Variants in PCDHA8 observed in about 807,000 individuals in gnomAD.
PCDHA8 encodes the protein protocadherin alpha 8, also known as protocadherin alpha-8.
Under a neutral mutation model 61.8 loss-of-function variants are expected in PCDHA8, and 53 were observed. The ratio of observed to expected loss-of-function variants is 0.86; its 90% CI spans 0.69 to 1.08. PCDHA8 has a LOEUF of 1.08. Among genes scored for constraint, PCDHA8 ranks in the 50% least tolerant of loss-of-function variants. The pLI is 0.00. For missense variants in PCDHA8, 1,293 were observed against 1,245.0 expected (o/e 1.04, Z -0.58); for synonymous variants, 618 against 556.6 (o/e 1.11, Z -1.55).
At chr5:140,866,122 C>T (rs556292123) in intron 1 of PCDHA8, 1 of 152,178 alleles carries the variant, frequency 6.6e-6, no homozygotes, top group East Asian at 1.9e-4. Flanking sequence ...CTTATAAGAA[C>T]TACGTATCTG....
intron 1 of PCDHA8, among the ~76,000 whole-genome samples, chr5:140,921,151 AT>A (rs11299094): frequency 0.63 from 94,902 of 151,506 alleles, 30,179 homozygotes; most frequent in African/African-American, 0.71. Flanking sequence ...CAGCTAATGC[AT>A]TTTTTTTTTA....
At chr5:140,876,278 C>A (rs1554168451) in intron 1 of PCDHA8, 1 of 1,614,030 alleles carries the variant, frequency 6.2e-7, no homozygotes, top group South Asian at 1.1e-5. Flanking sequence ...GCTTCCGATC[C>A]AGACGAAGGA....
intron 1 of PCDHA8, chr5:140,862,653 G>A: frequency 1.8e-6 from 1 of 544,670 alleles, no homozygotes; most frequent in Non-Finnish European, 3.7e-6. Context: ...TGTCCGCGCG[G>A]GACCGGGACG....
Position 140,871,296 on chromosome 5 carries a change from C to A in PCDHA8, c.2394+27581C>A. ...CGGCAACGCCCACTGAGGGCGCGTG[C>A]GCGCCGGGGAAGCCCACGCTGGTGT... On this transcript the variant is annotated intron_variant, in intron 1 of 3. Coordinates refer to ENST00000531613, the MANE Select transcript of PCDHA8 (RefSeq NM_018911.3). 7 of 1,613,892 alleles carry A rather than the reference C, an allele frequency of 4.3e-6. No homozygotes were observed. The South Asian group carries it at 4.4e-5, about 10-fold the overall frequency.
chr5:140,985,298 C>T (rs770798262), intron 3 of PCDHA8, among the ~76,000 whole-genome samples: 1 of 152,124 alleles, frequency 6.6e-6, no homozygotes, highest in Non-Finnish European at 1.5e-5. Context: ...ATAGTGTTGG[C>T]TGATAGCCTG....
intron 1 of PCDHA8, among the ~76,000 whole-genome samples, chr5:140,898,020 AC>A (rs1483113036): frequency 6.6e-6 from 1 of 152,078 alleles, no homozygotes; most frequent in Non-Finnish European, 1.5e-5. Flanking sequence ...TCCTTTGCCC[AC>A]TTTTTGATGG....
chr5:140,986,036 G>A (rs2097184937), intron 3 of PCDHA8, among the ~76,000 whole-genome samples: 2 of 152,116 alleles, frequency 1.3e-5, no homozygotes, highest in Admixed American at 1.3e-4. Context: ...ACTGCGCCTG[G>A]CCTCACTGAT....
In PCDHA8 at chr5:140,883,441, G is replaced by A. The variant is rs782063932; in HGVS notation, c.2394+39726G>A. 3.1e-6 allele frequency: 5 copies of A among 1,614,130 alleles called. No homozygotes were observed. In the African/African-American group the frequency reaches 4.0e-5, roughly 13 times the overall value. Reference sequence around the variant, plus strand: ...GACAGGTCACCTGCACCTTGACGCCGCATGTCCCCTTCAAGCTGGTGTCCA... The same window carrying A: ...GACAGGTCACCTGCACCTTGACGCCACATGTCCCCTTCAAGCTGGTGTCCA... On this transcript the variant is annotated intron_variant, in intron 1 of 3. Transcript: ENST00000531613.
chr5:140,970,752 T>A (rs1324041619), intron 1 of PCDHA8, among the ~76,000 whole-genome samples: 1 of 152,244 alleles, frequency 6.6e-6, no homozygotes, highest in Non-Finnish European at 1.5e-5. Context: ...CAATATATTT[T>A]CATTGACATA....
intron 3 of PCDHA8, among the ~76,000 whole-genome samples, chr5:140,983,123 G>A (rs781811003): frequency 2.0e-5 from 3 of 152,198 alleles, no homozygotes; most frequent in Non-Finnish European, 4.4e-5. Flanking sequence ...ACAACATTCT[G>A]CAGACTGACT....
chr5:140,917,154 T>C (rs1415714785), intron 1 of PCDHA8, among the ~76,000 whole-genome samples: 2 of 152,112 alleles, frequency 1.3e-5, no homozygotes, highest in East Asian at 1.9e-4. Flanking sequence ...TGCTGGGGGA[T>C]ATGGGAGGGG....
At chr5:140,857,904 T>A (rs781796196) in intron 1 of PCDHA8, 3 of 1,597,710 alleles carry the variant, frequency 1.9e-6, no homozygotes, top group Admixed American at 3.4e-5. Context: ...GGTGCACGCA[T>A]CCCGTTTCGC....
At chr5:140,999,554 G>T (rs2097862771) in intron 3 of PCDHA8, among the ~76,000 whole-genome samples, 1 of 152,158 alleles carries the variant, frequency 6.6e-6, no homozygotes, top group Non-Finnish European at 1.5e-5. Context: ...TGAAGAGGGG[G>T]TATTTTGAGA....
At chr5:140,875,026 C>T (rs2055229265) in intron 1 of PCDHA8, among the ~76,000 whole-genome samples, 1 of 152,142 alleles carries the variant, frequency 6.6e-6, no homozygotes, top group South Asian at 2.1e-4. Flanking sequence ...TTCTGGCCTA[C>T]TGTATTTGAA....
chr5:140,928,219 C>T (rs2153594773), intron 1 of PCDHA8: 1 of 1,614,166 alleles, frequency 6.2e-7, no homozygotes, highest in African/African-American at 1.3e-5. Flanking sequence ...TGACAATACA[C>T]CAAACTTTCC....
chr5:140,948,602 A>G (rs537329393), intron 1 of PCDHA8, among the ~76,000 whole-genome samples: 2 of 151,590 alleles, frequency 1.3e-5, no homozygotes, highest in Non-Finnish European at 3.0e-5. Context: ...AATTTATCAT[A>G]TTTTTGGCAC....
chr5:141,011,924 AG>A lies in PCDHA8; in HGVS notation c.*1989del, dbSNP rs1246091886. Reference sequence around the variant, plus strand: ...ATTTAGGCATTAATATAAAAGAGGTAGGAGTCTGTTATTTAAAAAAAGCATT... The same window carrying A: ...ATTTAGGCATTAATATAAAAGAGGTAGAGTCTGTTATTTAAAAAAAGCATT... On this transcript the variant is annotated 3_prime_UTR_variant, in exon 4 of 4. Coordinates refer to ENST00000531613, the MANE Select transcript of PCDHA8 (RefSeq NM_018911.3). 1 of 153,728 alleles carries A rather than the reference AG, an allele frequency of 6.5e-6. No homozygotes were observed. Among genetic ancestry groups the A allele is most frequent in the Non-Finnish European group, 1.5e-5 (1 of 68,042 alleles). 9.5% of individuals were successfully genotyped at this position (153,728 alleles called of 1,614,324 possible).
chr5:140,936,760 T>G (rs2091134702), intron 1 of PCDHA8, among the ~76,000 whole-genome samples: 1 of 152,220 alleles, frequency 6.6e-6, no homozygotes, highest in African/African-American at 2.4e-5. Context: ...TGATATCTAA[T>G]TGTGTAAGTT....
At position 140,855,941 on chromosome 5, in the gene PCDHA8, C is replaced by G; in HGVS notation, c.2394+12226C>G. Reference sequence around the variant, plus strand: ...AGGAAGTAGCGTCATTCTGAGATCTCAGCCATTTCGATAAAAAATAGATAT... The same window carrying G: ...AGGAAGTAGCGTCATTCTGAGATCTGAGCCATTTCGATAAAAAATAGATAT... On this transcript the variant is annotated intron_variant, in intron 1 of 3. Transcript: ENST00000531613. The G allele has an allele frequency of 3.0e-6, 4 of 1,328,222 alleles. 1 individual carries two copies. The highest frequency in any genetic ancestry group is 4.1e-6 in the Non-Finnish European group (4 of 966,976). The allele number at this position is 1,328,222 out of a possible 1,614,324, so 82.3% of individuals were successfully genotyped here.
Sources: allele counts gnomAD v4.1 joint callset (sites outside exome capture counted in the v4.1 genomes callset), GRCh38; gene constraint gnomAD v4.1.1; transcripts MANE v1.5; gene names NCBI Gene and HGNC (gene_info 2026-07-23, HGNC 2026-07-21).